The following CYP4X1 variants were observed in gnomAD, a reference collection of about 807,000 sequenced individuals.
CYP4X1 encodes cytochrome P450 family 4 subfamily X member 1, also known as cytochrome P450 4X1.
A neutral mutation model predicts 57.9 loss-of-function variants in CYP4X1; 44 were observed. That is an observed-to-expected ratio of 0.76 (90% CI 0.60 to 0.98). The LOEUF is 0.98. CYP4X1 is among the 50% of genes least tolerant of loss of function. The pLI, the probability that CYP4X1 is intolerant of heterozygous loss-of-function variation, is 0.00. For synonymous variants in CYP4X1, 227 were observed against 228.6 expected, an observed-to-expected ratio of 0.99 and a Z score of 0.06; for missense variants, 532 against 623.9, an observed-to-expected ratio of 0.85 and a Z score of 1.57.
At chr1:47,006,584 T>G in the CYP4X1 span, among the ~76,000 whole-genome samples, 52,150 of 151,780 alleles carry the variant, frequency 0.34, 9,686 homozygotes, top group East Asian at 0.56. Flanking sequence ...GAGAGTGGGT[T>G]CAGGACAGTG....
chr1:46,994,782 C>T, the CYP4X1 span, among the ~76,000 whole-genome samples: 2 of 152,324 alleles, frequency 1.3e-5, no homozygotes, highest in South Asian at 2.1e-4. Context: ...CAACAAACAC[C>T]TACTATGTGC....
At chr1:47,029,128 G>A (rs967290352) in intron 1 of CYP4X1, among the ~76,000 whole-genome samples, 1 of 152,198 alleles carries the variant, frequency 6.6e-6, no homozygotes, top group South Asian at 2.1e-4. Context: ...TTGGTCACAC[G>A]AGGAAAAATC....
chr1:47,019,515 C>G (rs547499881), upstream of CYP4X1, among the ~76,000 whole-genome samples: 1 of 152,334 alleles, frequency 6.6e-6, no homozygotes, highest in African/African-American at 2.4e-5. Context: ...TAATATTTAA[C>G]TTAACCATTC....
chr1:46,994,141 C>A, the CYP4X1 span, among the ~76,000 whole-genome samples: 1,121 of 152,272 alleles, frequency 7.4e-3, 5 homozygotes, highest in African/African-American at 0.013. Context: ...TTTCAGCTTT[C>A]TACATATGGC....
downstream of CYP4X1, among the ~76,000 whole-genome samples, chr1:47,054,815 T>C (rs993402964): frequency 6.6e-5 from 10 of 152,208 alleles, no homozygotes; most frequent in Non-Finnish European, 1.5e-4. Context: ...TAAGGAGATT[T>C]TGGGCTGAGA....
the CYP4X1 span, among the ~76,000 whole-genome samples, chr1:46,965,908 T>C: frequency 6.6e-6 from 1 of 152,172 alleles, no homozygotes; most frequent in African/African-American, 2.4e-5. Context: ...GCTGGAGTGA[T>C]GGAAGCCCCC....
chr1:46,998,640 C>T, the CYP4X1 span, among the ~76,000 whole-genome samples: 1 of 152,088 alleles, frequency 6.6e-6, no homozygotes, highest in Non-Finnish European at 1.5e-5. Context: ...AGATCTTAGT[C>T]ATAAATTCTT....
the CYP4X1 span, among the ~76,000 whole-genome samples, chr1:47,011,358 T>C: frequency 2.6e-5 from 4 of 152,270 alleles, no homozygotes; most frequent in Admixed American, 1.3e-4. Context: ...TAGCCATATG[T>C]AGAAAGCTGA....
At chr1:47,030,188 A>G in intron 2 of CYP4X1, 57 bp downstream of exon 2, 1 of 1,548,210 alleles carries the variant, frequency 6.5e-7, no homozygotes. Context: ...AATGCATAAA[A>G]CCCATAGGCA....
At chr1:47,024,640 C>A (rs1644042605) in intron 1 of CYP4X1, among the ~76,000 whole-genome samples, 1 of 152,138 alleles carries the variant, frequency 6.6e-6, no homozygotes, top group Non-Finnish European at 1.5e-5. Context: ...GAAGCTAAGT[C>A]CCTCCCCTGC....
At position 47,036,148 on chromosome 1, in the gene CYP4X1, G is replaced by T. The variant is rs1238265931; in HGVS notation, c.752G>T (p.Ser251Ile). Residue 251 changes from serine (S) to isoleucine (I), a missense_variant, in exon 6 of 12, where the codon AGC (serine) becomes ATC (isoleucine). Coordinates refer to ENST00000371901, the MANE Select transcript of CYP4X1 (RefSeq NM_178033.2). ...CAGGGCTACCGCTTCCAGAAGTTAA[G>T]CCGAGTGTTGAATCAGTACACAGGT... ...SPQGYRFQKL[S>I]RVLNQYTDTI... is the part of the protein sequence containing the mutation. The T allele has an allele frequency of 1.2e-6, 2 of 1,613,188 alleles. No homozygotes were observed. Among genetic ancestry groups the T allele is most frequent in the African/African-American group, 2.7e-5 (2 of 74,862 alleles).
chr1:46,983,055 C>T, the CYP4X1 span, among the ~76,000 whole-genome samples: 1 of 152,108 alleles, frequency 6.6e-6, no homozygotes, highest in Non-Finnish European at 1.5e-5. Context: ...CCTGGGGACA[C>T]GTGGTGGGGT....
At chr1:47,021,721 C>A (rs1643999542), upstream of CYP4X1, among the ~76,000 whole-genome samples, 1 of 152,160 alleles carries the variant, frequency 6.6e-6, no homozygotes, top group Non-Finnish European at 1.5e-5. Flanking sequence ...TGGACAGGGG[C>A]AACTGGCCCT....
At chr1:47,019,031 C>T (rs932825054), upstream of CYP4X1, among the ~76,000 whole-genome samples, 4 of 152,160 alleles carry the variant, frequency 2.6e-5, no homozygotes, top group African/African-American at 9.7e-5. Flanking sequence ...TAACTGGTTA[C>T]AGGAAGAAAG....
the CYP4X1 span, among the ~76,000 whole-genome samples, chr1:46,991,978 C>T: frequency 2.0e-3 from 300 of 152,130 alleles, 1 homozygote; most frequent in Non-Finnish European, 3.7e-3. Context: ...CGTTATCATC[C>T]GCTCCTCTCC....
chr1:46,975,828 A>G, the CYP4X1 span, among the ~76,000 whole-genome samples: 1 of 152,088 alleles, frequency 6.6e-6, no homozygotes, highest in Non-Finnish European at 1.5e-5. Flanking sequence ...GGCTCTTTAC[A>G]TAATCCTATA....
chr1:47,035,913 G>A lies in CYP4X1; in HGVS notation c.600G>A (p.Glu200=), dbSNP rs1184872097. Residue 200 remains glutamate, a synonymous_variant, in exon 5 of 12, where the codon GAG becomes GAA. Coordinates refer to ENST00000371901, the MANE Select transcript of CYP4X1 (RefSeq NM_178033.2). The stretch of plus-strand genomic sequence containing the variant: ...TCATGAAATGCGCTTTCAGCAAGGA[G>A]ACCAACTGCCAGACAAACAGGTCAG... The part of the protein sequence containing the change: ...DIIMKCAFSK[E]TNCQTNSTHD... The A allele has an allele frequency of 6.2e-7, 1 of 1,613,580 alleles. No individual in the cohort carries two copies. Among genetic ancestry groups the A allele is most frequent in the Non-Finnish European group, 8.5e-7 (1 of 1,179,784 alleles).
At chr1:46,997,803 A>G in the CYP4X1 span, among the ~76,000 whole-genome samples, 1 of 152,172 alleles carries the variant, frequency 6.6e-6, no homozygotes. Flanking sequence ...GGTTGGACTA[A>G]TTTACATTAC....
the CYP4X1 span, among the ~76,000 whole-genome samples, chr1:47,010,580 G>A: frequency 2.0e-5 from 3 of 152,124 alleles, no homozygotes; most frequent in East Asian, 5.8e-4. Flanking sequence ...GCAGGAGAAG[G>A]AAATAAAGGG....
Sources: gnomAD v4.1 joint callset for allele counts (sites outside exome capture counted in the v4.1 genomes callset) on GRCh38, gnomAD v4.1.1 for gene constraint, MANE v1.5 for transcripts, NCBI Gene and HGNC (gene_info 2026-07-23, HGNC 2026-07-21) for gene names.